WARS2: variants seen among roughly 807,000 people sequenced by gnomAD.
WARS2 encodes tryptophanyl tRNA synthetase 2, mitochondrial.
Under a neutral mutation model 36.5 loss-of-function variants are expected in WARS2, and 28 were observed. That is an observed-to-expected ratio of 0.77 (90% CI 0.57 to 1.05). The LOEUF is 1.05. Ranked by LOEUF, WARS2 falls within the 50% of genes least tolerant of loss-of-function variation. The probability of loss-of-function intolerance (pLI) is 0.00; values close to 1 mark genes in which losing one functional copy is unlikely to be tolerated. For synonymous variants in WARS2, 174 were observed against 178.4 expected, an observed-to-expected ratio of 0.98 and a Z score of 0.20; for missense variants, 435 against 456.8, an observed-to-expected ratio of 0.95 and a Z score of 0.44.
intron 1 of WARS2, among the ~76,000 whole-genome samples, chr1:119,094,196 T>G (rs1346438662): frequency 6.6e-6 from 1 of 152,182 alleles, no homozygotes; most frequent in Admixed American, 6.5e-5. Flanking sequence ...ATTTAAACAG[T>G]AGCTCTGAAA....
intron 2 of WARS2, among the ~76,000 whole-genome samples, chr1:119,070,128 T>C (rs1651180002): frequency 6.6e-6 from 1 of 152,212 alleles, no homozygotes; most frequent in African/African-American, 2.4e-5. Flanking sequence ...TTTAAGTACA[T>C]TTTCAATTTA....
At chr1:119,119,792 A>G (rs1306474453) in intron 1 of WARS2, among the ~76,000 whole-genome samples, 1 of 152,128 alleles carries the variant, frequency 6.6e-6, no homozygotes, top group Non-Finnish European at 1.5e-5. Flanking sequence ...CAAATCAAAT[A>G]ATCTGTTACT....
At chr1:119,128,506 T>G (rs1011982550) in intron 1 of WARS2, among the ~76,000 whole-genome samples, 1 of 152,136 alleles carries the variant, frequency 6.6e-6, no homozygotes, top group African/African-American at 2.4e-5. Context: ...ATTCCTCAAC[T>G]CTGGTCTTTT....
intron 1 of WARS2, among the ~76,000 whole-genome samples, chr1:119,099,471 G>C (rs1653703510): frequency 6.6e-6 from 1 of 152,170 alleles, no homozygotes; most frequent in Admixed American, 6.5e-5. Flanking sequence ...CTCACCTGCT[G>C]CTGCTATGGT....
At chr1:119,048,269 T>C (rs1649023644) in intron 2 of WARS2, among the ~76,000 whole-genome samples, 1 of 152,220 alleles carries the variant, frequency 6.6e-6, no homozygotes, top group Admixed American at 6.5e-5. Context: ...GTTCTGCCAC[T>C]TAGTCGCTGA....
chr1:119,130,685 CTG>C (rs1485001185), intron 1 of WARS2, among the ~76,000 whole-genome samples: 1 of 152,148 alleles, frequency 6.6e-6, no homozygotes, highest in East Asian at 1.9e-4. Flanking sequence ...ATGCTATGCA[CTG>C]TCTCATGTGT....
intron 1 of WARS2, among the ~76,000 whole-genome samples, chr1:119,084,807 T>C (rs1571336117): frequency 1.3e-5 from 2 of 152,288 alleles, no homozygotes. Context: ...TCAGGGACAA[T>C]GAATGGTACG....
At chr1:119,076,289 C>T in intron 2 of WARS2, 61 bp downstream of exon 2, 1 of 1,582,592 alleles carries the variant, frequency 6.3e-7, no homozygotes, top group South Asian at 1.1e-5. Context: ...AACCATTCAA[C>T]ATTTTTTCCT....
At chr1:119,064,759 A>G (rs973957345) in intron 2 of WARS2, 2 of 152,908 alleles carry the variant, frequency 1.3e-5, no homozygotes, top group African/African-American at 4.8e-5. Flanking sequence ...TAAAACTCTA[A>G]GTCCAATTAA....
chr1:119,059,420 A>G (rs1650182844), intron 2 of WARS2, among the ~76,000 whole-genome samples: 1 of 152,060 alleles, frequency 6.6e-6, no homozygotes, highest in Non-Finnish European at 1.5e-5. Flanking sequence ...GTTTTCTTCT[A>G]GGGTTTTTAT....
chr1:119,130,022 C>T (rs937163096), intron 1 of WARS2, among the ~76,000 whole-genome samples: 13 of 151,984 alleles, frequency 8.6e-5, no homozygotes, highest in African/African-American at 1.7e-4. Context: ...CATCGTGTAA[C>T]GGTGCAGTGA....
At chr1:119,046,597 C>A (rs181914150) in intron 2 of WARS2, among the ~76,000 whole-genome samples, 48 of 151,348 alleles carry the variant, frequency 3.2e-4, no homozygotes, top group African/African-American at 1.1e-3. Flanking sequence ...ACCTCGTGAT[C>A]CACCCACCCC....
chr1:119,035,961 T>C (rs1647848031), intron 4 of WARS2, among the ~76,000 whole-genome samples: 1 of 152,176 alleles, frequency 6.6e-6, no homozygotes, highest in African/African-American at 2.4e-5. Flanking sequence ...ATGCAGCACT[T>C]TGGGAGGCCA....
intron 1 of WARS2, among the ~76,000 whole-genome samples, chr1:119,122,908 A>AG (rs1294117587): frequency 1.3e-5 from 2 of 152,154 alleles, no homozygotes; most frequent in African/African-American, 2.4e-5. Context: ...CGGGTGATGG[A>AG]GAAAAAAAAG....
At chr1:119,060,759 G>A (rs971524102) in intron 2 of WARS2, among the ~76,000 whole-genome samples, 11 of 152,202 alleles carry the variant, frequency 7.2e-5, no homozygotes, top group Non-Finnish European at 1.6e-4. Context: ...GTCCTCAGTT[G>A]CAGACATAAA....
intron 1 of WARS2, among the ~76,000 whole-genome samples, chr1:119,129,727 T>TA (rs71586672): frequency 0.39 from 58,505 of 148,530 alleles, 12,065 homozygotes; most frequent in East Asian, 0.78. Context: ...AAAATAAAAA[T>TA]AAAAAAAAAA....
At chr1:119,041,647 A>T (rs972727920) in intron 4 of WARS2, among the ~76,000 whole-genome samples, 1 of 152,252 alleles carries the variant, frequency 6.6e-6, no homozygotes, top group Non-Finnish European at 1.5e-5. Context: ...ACATGTGGCT[A>T]CTGGCTACAG....
At chr1:119,114,161 G>A (rs587616750) in intron 1 of WARS2, among the ~76,000 whole-genome samples, 3 of 152,292 alleles carry the variant, frequency 2.0e-5, no homozygotes, top group African/African-American at 7.2e-5. Flanking sequence ...GGGCCAGGAA[G>A]TCTGGCTCTA....
intron 1 of WARS2, among the ~76,000 whole-genome samples, chr1:119,125,582 T>C (rs1655600374): frequency 6.6e-6 from 1 of 152,210 alleles, no homozygotes; most frequent in South Asian, 2.1e-4. Context: ...GAGGACAGAA[T>C]TCACCAGGTG....
Sources: gnomAD v4.1 joint callset for allele counts (sites outside exome capture counted in the v4.1 genomes callset) on GRCh38, gnomAD v4.1.1 for gene constraint, MANE v1.5 for transcripts, NCBI Gene and HGNC (gene_info 2026-07-23, HGNC 2026-07-21) for gene names.